The following B3GAT2 variants were observed in gnomAD, a reference collection of about 807,000 sequenced individuals.
B3GAT2 encodes beta-1,3-glucuronyltransferase 2.
B3GAT2 carries 26 observed loss-of-function variants against 27.8 expected under a neutral mutation model. That is an observed-to-expected ratio of 0.93 (90% confidence interval 0.68 to 1.30). The LOEUF is 1.30. Ranked by LOEUF, B3GAT2 falls within the 50% of genes most tolerant of loss-of-function variation. B3GAT2 has a pLI of 0.00. For synonymous variants in B3GAT2, 218 were observed against 195.1 expected (o/e 1.12, Z -0.98); for missense variants, 458 against 459.0 (o/e 1.00, Z 0.02).
chr6:70,956,728 G>C lies in B3GAT2; in HGVS notation c.-299C>G. Reference sequence around the variant, plus strand: ...GTCCAGCCGCGCGCCGCCGGTCCCGGAGTTGTGCCGAGTGCGGGAAAGGCG... The same window carrying C: ...GTCCAGCCGCGCGCCGCCGGTCCCGCAGTTGTGCCGAGTGCGGGAAAGGCG... On this transcript the variant is annotated 5_prime_UTR_variant, in exon 1 of 4. Coordinates refer to ENST00000230053, the MANE Select transcript of B3GAT2 (RefSeq NM_080742.3). 7.7e-7 allele frequency: 1 copy of C among 1,305,970 alleles called. No individual in the cohort carries two copies. The highest frequency in any genetic ancestry group is 9.7e-7 in the Non-Finnish European group (1 of 1,026,430). 80.9% of individuals were successfully genotyped at this position (1,305,970 alleles called of 1,614,324 possible).
intron 2 of B3GAT2, among the ~76,000 whole-genome samples, chr6:70,884,508 G>C (rs752819628): frequency 2.0e-5 from 3 of 152,128 alleles, no homozygotes; most frequent in Non-Finnish European, 2.9e-5. Context: ...GTGTACTCCC[G>C]GGCTAGCAAG....
chr6:70,860,143 AAC>A lies in B3GAT2; in HGVS notation c.*1518_*1519del, dbSNP rs1771647943. ...AAATGACCAACTGTGTGGCTAAAGA[AAC>A]AAGAATTAAAAGTGAAGTAAGCCTC... On this transcript the variant is annotated 3_prime_UTR_variant, in exon 4 of 4. Coordinates refer to ENST00000230053, the MANE Select transcript of B3GAT2 (RefSeq NM_080742.3). 2 of 1,510,406 alleles carry A rather than the reference AAC, an allele frequency of 1.3e-6. No individual in the cohort carries two copies. Among genetic ancestry groups the A allele is most frequent in the Non-Finnish European group, 1.8e-6 (2 of 1,129,282 alleles). 93.6% of individuals were successfully genotyped at this position (1,510,406 alleles called of 1,614,324 possible). A position where few individuals can be genotyped will look rare whatever the true frequency, so the allele number is the denominator to read the frequency against.
intron 1 of B3GAT2, among the ~76,000 whole-genome samples, chr6:70,947,019 T>G (rs1765497423): frequency 6.6e-6 from 1 of 152,048 alleles, no homozygotes; most frequent in South Asian, 2.1e-4. Context: ...AAAAAAGATG[T>G]TCTTTGAAAC....
chr6:70,862,000 A>AAAAG (rs769501254), intron 2 of B3GAT2, 22 bp from the exon 3 acceptor site: 41 of 1,566,748 alleles, frequency 2.6e-5, no homozygotes, highest in Non-Finnish European at 3.4e-5. Context: ...ATAAAAAAAA[A>AAAAG]AAAGAGACTT....
intron 2 of B3GAT2, among the ~76,000 whole-genome samples, chr6:70,875,568 C>G (rs1156532713): frequency 6.6e-6 from 1 of 152,162 alleles, no homozygotes; most frequent in African/African-American, 2.4e-5. Flanking sequence ...CAAATCTACC[C>G]TTTCCTACTG....
chr6:70,925,859 T>C (rs756109048), intron 1 of B3GAT2, among the ~76,000 whole-genome samples: 37 of 152,356 alleles, frequency 2.4e-4, no homozygotes, highest in Middle Eastern at 3.4e-3. Context: ...AGTGGGTCCC[T>C]GACCCCTGAG....
intron 1 of B3GAT2, among the ~76,000 whole-genome samples, chr6:70,916,490 A>G (rs1290375334): frequency 6.6e-6 from 1 of 152,162 alleles, no homozygotes; most frequent in Non-Finnish European, 1.5e-5. Context: ...TTTCAAAGGG[A>G]ATGCTTCCAG....
intron 1 of B3GAT2, among the ~76,000 whole-genome samples, chr6:70,952,008 G>A (rs888239315): frequency 1.3e-5 from 2 of 152,000 alleles, no homozygotes; most frequent in East Asian, 1.9e-4. Context: ...ATTTAGGGGG[G>A]AAAGGGCCAA....
At chr6:70,897,680 T>C (rs1055287488) in intron 1 of B3GAT2, among the ~76,000 whole-genome samples, 1 of 150,776 alleles carries the variant, frequency 6.6e-6, no homozygotes, top group East Asian at 1.9e-4. Context: ...AATATATATA[T>C]ATATATATAT....
rs760394416 is a variant in B3GAT2, at chr6:70,858,130, C to T, written c.*3533G>A. 18 of 1,614,018 alleles carry T rather than the reference C, an allele frequency of 1.1e-5. No homozygotes were observed. Among genetic ancestry groups the T allele is most frequent in the East Asian group, 4.5e-5 (2 of 44,842 alleles). On this transcript the variant is annotated 3_prime_UTR_variant, in exon 4 of 4. Coordinates refer to ENST00000230053, the MANE Select transcript of B3GAT2 (RefSeq NM_080742.3). ...CTGGTGTGATGCCACTTCCTCAGAA[C>T]GTTGTTGGCCCCCAAGGAGGAATGG... is the stretch of plus-strand genomic sequence containing the variant.
Position 70,857,007 on chromosome 6 carries a change from C to T in B3GAT2, c.*4656G>A. 6.2e-7 allele frequency: 1 copy of T among 1,610,886 alleles called. No individual in the cohort carries two copies. The highest frequency in any genetic ancestry group is 8.5e-7 in the Non-Finnish European group (1 of 1,178,378). Reference sequence around the variant, plus strand: ...ATCTTATCTCTGTATGGCACAGGAACCATTCAACAGCAAAGTACTCCTGGT... The same window carrying T: ...ATCTTATCTCTGTATGGCACAGGAATCATTCAACAGCAAAGTACTCCTGGT... On this transcript the variant is annotated 3_prime_UTR_variant, in exon 4 of 4. Coordinates refer to ENST00000230053, the MANE Select transcript of B3GAT2 (RefSeq NM_080742.3).
intron 1 of B3GAT2, among the ~76,000 whole-genome samples, chr6:70,927,013 G>A (rs1395137794): frequency 6.6e-6 from 1 of 152,116 alleles, no homozygotes; most frequent in Non-Finnish European, 1.5e-5. Flanking sequence ...GAGAGAGGGG[G>A]CCGATATTCA....
chr6:70,871,320 A>T (rs1451139087), intron 2 of B3GAT2, among the ~76,000 whole-genome samples: 1 of 143,544 alleles, frequency 7.0e-6, no homozygotes, highest in African/African-American at 2.6e-5. Context: ...TTTTTGGAGG[A>T]TTTGTGAAGA....
rs578064179 is a variant in B3GAT2, at chr6:70,889,580, A to G, written c.736+4548T>C. Among the ~76,000 whole-genome samples the G allele has an allele frequency of 3.3e-5, 5 of 152,238 alleles. No homozygotes were observed. The East Asian group carries it at 7.7e-4, about 24-fold the overall frequency. ...CAGGTGCACCGCCTTACACAACCTC[A>G]GTCCTTAGAATCAGAACTTGTCAAA... On this transcript the variant is annotated intron_variant, in intron 2 of 3. Coordinates refer to ENST00000230053, the MANE Select transcript of B3GAT2 (RefSeq NM_080742.3).
At chr6:70,955,484 C>A (rs1765639575) in intron 1 of B3GAT2, among the ~76,000 whole-genome samples, 1 of 151,076 alleles carries the variant, frequency 6.6e-6, no homozygotes, top group Non-Finnish European at 1.5e-5. Context: ...GCAGCCAGCG[C>A]CTGCAGGTCT....
intron 2 of B3GAT2, among the ~76,000 whole-genome samples, chr6:70,887,998 T>C (rs1185635050): frequency 6.6e-6 from 1 of 152,152 alleles, no homozygotes; most frequent in African/African-American, 2.4e-5. Flanking sequence ...AGAGCATGAG[T>C]AGCCCCTGAA....
chr6:70,903,716 T>C (rs1465768187), intron 1 of B3GAT2, among the ~76,000 whole-genome samples: 1 of 151,482 alleles, frequency 6.6e-6, no homozygotes, highest in African/African-American at 2.4e-5. Flanking sequence ...CCCACCAGAA[T>C]GGCTAAAATG....
intron 1 of B3GAT2, among the ~76,000 whole-genome samples, chr6:70,923,418 C>T (rs146166610): frequency 5.4e-4 from 82 of 152,210 alleles, no homozygotes; most frequent in African/African-American, 1.8e-3. Flanking sequence ...GGCTCACACC[C>T]GTAATCCCTG....
intron 1 of B3GAT2, among the ~76,000 whole-genome samples, chr6:70,920,265 G>A (rs752501774): frequency 3.3e-5 from 5 of 152,202 alleles, no homozygotes; most frequent in Admixed American, 1.3e-4. Context: ...TGCCTGTTGC[G>A]AATACCGTGG....
Sources: allele counts gnomAD v4.1 joint callset (sites outside exome capture counted in the v4.1 genomes callset), GRCh38; gene constraint gnomAD v4.1.1; transcripts MANE v1.5; gene names NCBI Gene and HGNC (gene_info 2026-07-23, HGNC 2026-07-21).